The following ACER3 variants were observed in gnomAD, a reference collection of about 807,000 sequenced individuals.
ACER3 encodes alkaline ceramidase 3.
In ACER3, 16 loss-of-function variants were observed where a neutral mutation model predicts 48.9. The observed-to-expected ratio is 0.33, with a 90% CI of 0.22 to 0.50. The LOEUF is 0.50. Among genes scored for constraint, ACER3 ranks in the 20% least tolerant of loss-of-function variants. The probability of loss-of-function intolerance (pLI) is 0.98; values close to 1 mark genes in which losing one functional copy is unlikely to be tolerated. For missense variants in ACER3, 227 were observed against 326.0 expected (o/e 0.70, Z 2.34); for synonymous variants, 109 against 107.8 (o/e 1.01, Z -0.07).
chr11:77,018,219 T>A (rs1191737871), intron 9 of ACER3, among the ~76,000 whole-genome samples: 3 of 152,006 alleles, frequency 2.0e-5, no homozygotes, highest in Non-Finnish European at 4.4e-5. Flanking sequence ...GGATTACAGT[T>A]GTGAGCCAAG....
chr11:77,024,908 G>A lies in ACER3; in HGVS notation c.*4581G>A, dbSNP rs1555025369. 1 of 152,092 alleles carries A rather than the reference G, an allele frequency of 6.6e-6. No homozygotes were observed. Among genetic ancestry groups the A allele is most frequent in the East Asian group, 1.9e-4 (1 of 5,188 alleles). The allele number at this position is 152,092 out of a possible 1,614,324, so 9.4% of individuals were successfully genotyped here. On this transcript the variant is annotated 3_prime_UTR_variant, in exon 11 of 11. Coordinates refer to ENST00000532485, the MANE Select transcript of ACER3 (RefSeq NM_018367.7). Reference sequence around the variant, plus strand: ...AGAAATTCAGTTACAGGCTGCAAGTGACCTAAAATTCCCCTACTCTAGCTC... The same window carrying A: ...AGAAATTCAGTTACAGGCTGCAAGTAACCTAAAATTCCCCTACTCTAGCTC...
chr11:76,911,340 C>T (rs577118578), intron 1 of ACER3, among the ~76,000 whole-genome samples: 2 of 152,302 alleles, frequency 1.3e-5, no homozygotes, highest in African/African-American at 2.4e-5. Context: ...GTTGCCATGA[C>T]ATTTGCAAAC....
intron 1 of ACER3, among the ~76,000 whole-genome samples, chr11:76,894,628 T>G (rs1945885757): frequency 6.6e-6 from 1 of 152,314 alleles, no homozygotes; most frequent in Admixed American, 6.5e-5. Context: ...TTATAAACCA[T>G]AAAGTGGCAT....
At chr11:76,968,404 G>C (rs1039526261) in intron 3 of ACER3, among the ~76,000 whole-genome samples, 1 of 152,136 alleles carries the variant, frequency 6.6e-6, no homozygotes, top group Non-Finnish European at 1.5e-5. Context: ...TCCCCATCAA[G>C]CTACCAATGA....
At chr11:76,863,718 C>T (rs1945000336) in intron 1 of ACER3, among the ~76,000 whole-genome samples, 1 of 152,204 alleles carries the variant, frequency 6.6e-6, no homozygotes, top group South Asian at 2.1e-4. Flanking sequence ...ACTTGTACTA[C>T]ACTTTGCTAA....
At chr11:77,016,817 T>G in intron 9 of ACER3, 38 bp downstream of exon 9, 2 of 1,159,652 alleles carry the variant, frequency 1.7e-6, no homozygotes, top group Non-Finnish European at 2.4e-6. Flanking sequence ...GTACTAGAGT[T>G]TGTTGTTTTT....
chr11:77,018,947 G>A (rs1265527939), intron 9 of ACER3, among the ~76,000 whole-genome samples: 3 of 152,204 alleles, frequency 2.0e-5, no homozygotes, highest in Admixed American at 6.5e-5. Context: ...GATGAAAGTG[G>A]TTACACTAAA....
chr11:77,007,642 G>C (rs1287895628), intron 7 of ACER3, among the ~76,000 whole-genome samples: 3 of 152,208 alleles, frequency 2.0e-5, no homozygotes, highest in Non-Finnish European at 2.9e-5. Flanking sequence ...TATCCCACTA[G>C]GGAGGGAAAA....
At chr11:76,976,256 T>C (rs370311679) in intron 3 of ACER3, 33 bp from the exon 4 acceptor site, 9 of 1,517,464 alleles carry the variant, frequency 5.9e-6, no homozygotes, top group Non-Finnish European at 8.2e-6. Context: ...CTCCATGATA[T>C]TCAAGCCTGT....
chr11:76,938,973 A>AAAAAAAAAG (rs1230607697), intron 2 of ACER3, among the ~76,000 whole-genome samples: 1 of 152,052 alleles, frequency 6.6e-6, no homozygotes, highest in African/African-American at 2.4e-5. Context: ...AAAGTGCTAA[A>AAAAAAAAAG]AAAAATGAAG....
rs566377557 is a variant in ACER3 at position 76,971,908 on chromosome 11, G to T, written c.268-4381G>T. On this transcript the variant is annotated intron_variant, in intron 3 of 10. Transcript: ENST00000532485. ...TAATCTTTCCTAGATCCAGATGAAG[G>T]GGTGGGGGGTGGTTCAAAGAAAGCC... Among the ~76,000 whole-genome samples the T allele has an allele frequency of 2.0e-5, 3 of 152,214 alleles. No individual in the cohort carries two copies. In the East Asian group the frequency reaches 5.8e-4, roughly 29 times the overall value.
At chr11:76,907,347 A>G (rs1946261058) in intron 1 of ACER3, among the ~76,000 whole-genome samples, 1 of 121,178 alleles carries the variant, frequency 8.3e-6, no homozygotes, top group South Asian at 2.7e-4. Context: ...TATTTCAAGC[A>G]AATTTATTGT....
At position 76,959,237 on chromosome 11, in the gene ACER3, G is replaced by T. The variant is rs11237033; in HGVS notation, c.267+206G>T. 2.8e-4 allele frequency: 405 copies of T among 1,426,842 alleles called. No homozygotes were observed. In the African/African-American group the frequency reaches 5.4e-3, roughly 19 times the overall value. 88.4% of individuals were successfully genotyped at this position (1,426,842 alleles called of 1,614,324 possible). On this transcript the variant is annotated intron_variant, in intron 3 of 10. Coordinates refer to ENST00000532485, the MANE Select transcript of ACER3 (RefSeq NM_018367.7). ...AGGAAAACAAGTACAAATAGTATAG[G>T]GCTTTTTGACCATCTCTGTGCGGGC...
chr11:76,949,122 TTGGC>T (rs1947565057), intron 2 of ACER3, among the ~76,000 whole-genome samples: 1 of 152,180 alleles, frequency 6.6e-6, no homozygotes, highest in Non-Finnish European at 1.5e-5. Flanking sequence ...TTGAAAAACT[TTGGC>T]TGGTAGTTTG....
chr11:77,008,002 A>G (rs565381850), intron 7 of ACER3, among the ~76,000 whole-genome samples: 1 of 152,368 alleles, frequency 6.6e-6, no homozygotes, highest in African/African-American at 2.4e-5. Context: ...CACATTGTAT[A>G]CATATGTCAA....
At chr11:76,995,312 A>G (rs187930982) in intron 6 of ACER3, among the ~76,000 whole-genome samples, 86 of 152,290 alleles carry the variant, frequency 5.6e-4, no homozygotes, top group Non-Finnish European at 9.4e-4. Context: ...TACCCCAGCT[A>G]TCTACATGGT....
At chr11:76,927,774 A>G (rs1033917046) in intron 2 of ACER3, among the ~76,000 whole-genome samples, 1 of 152,130 alleles carries the variant, frequency 6.6e-6, no homozygotes, top group African/African-American at 2.4e-5. Context: ...CCATGTCCCT[A>G]CAAAGGACAT....
chr11:76,994,047 A>G (rs146997103), intron 6 of ACER3: 1 of 407,390 alleles, frequency 2.5e-6, no homozygotes, highest in African/African-American at 2.1e-5. Flanking sequence ...AGTGTGCTGA[A>G]GCGTTTACAG....
At chr11:76,910,012 G>A (rs538034827) in intron 1 of ACER3, among the ~76,000 whole-genome samples, 1 of 151,432 alleles carries the variant, frequency 6.6e-6, no homozygotes, top group Non-Finnish European at 1.5e-5. Flanking sequence ...CAGCAAACTA[G>A]CACAGGAACA....
Sources: gnomAD v4.1 joint callset for allele counts (sites outside exome capture counted in the v4.1 genomes callset) on GRCh38, gnomAD v4.1.1 for gene constraint, MANE v1.5 for transcripts, NCBI Gene and HGNC (gene_info 2026-07-23, HGNC 2026-07-21) for gene names.